Variants in TLE3 observed in about 807,000 individuals in gnomAD.
The protein encoded by TLE3 is transducin-like enhancer protein 3.
A neutral mutation model predicts 93.0 loss-of-function variants in TLE3; 14 were observed. The ratio of observed to expected loss-of-function variants is 0.15; its 90% confidence interval spans 0.10 to 0.24. TLE3 has a LOEUF of 0.24. Ranked by LOEUF, TLE3 falls within the 10% of genes least tolerant of loss-of-function variation. TLE3 has a pLI of 1.00. For synonymous variants in TLE3, 451 were observed against 425.0 expected (o/e 1.06, Z -0.75); for missense variants, 693 against 1,046.6 (o/e 0.66, Z 4.66).
chr15:70,052,995 G>C (rs192599983), intron 17 of TLE3: 82 of 523,042 alleles, frequency 1.6e-4, no homozygotes, highest in Non-Finnish European at 2.5e-4. Context: ...AATAGCAGCA[G>C]AGAATGAATC....
chr15:70,049,228 G>T lies in TLE3; in HGVS notation c.*869C>A, dbSNP rs1307404554. 6.6e-6 allele frequency: 1 copy of T among 152,394 alleles called. No homozygotes were observed. Among genetic ancestry groups the T allele is most frequent in the East Asian group, 1.9e-4 (1 of 5,192 alleles). The allele number at this position is 152,394 out of a possible 1,614,324, so 9.4% of individuals were successfully genotyped here. A position where few individuals can be genotyped will look rare whatever the true frequency, so the allele number is the denominator to read the frequency against. On this transcript the variant is annotated 3_prime_UTR_variant, in exon 20 of 20. Coordinates refer to ENST00000451782, the MANE Select transcript of TLE3 (RefSeq NM_001105192.3). ...GAGGAGAGAGGGAGAGACCAAGAAA[G>T]AGAGACACAGAGAGGGCAAGAGGCA...
chr15:70,059,627 G>A, intron 9 of TLE3, among the ~76,000 whole-genome samples, 167 bp from the exon 10 acceptor site: 1 of 152,124 alleles, frequency 6.6e-6, no homozygotes, highest in Non-Finnish European at 1.5e-5. Context: ...CTCCACTCCA[G>A]CTCAACACGG....
intron 4 of TLE3, among the ~76,000 whole-genome samples, chr15:70,080,167 G>T (rs2057695242): frequency 6.6e-6 from 1 of 152,094 alleles, no homozygotes; most frequent in African/African-American, 2.4e-5. Context: ...TGGCAACTTG[G>T]CGCAATCCGT....
chr15:70,052,574 CAAG>C, intron 17 of TLE3, 50 bp from the exon 18 acceptor site: 1 of 1,579,878 alleles, frequency 6.3e-7, no homozygotes, highest in Non-Finnish European at 8.6e-7. Flanking sequence ...TCTCTGCCCT[CAAG>C]AGGAGGGCGG....
At chr15:70,059,535 C>CT in intron 9 of TLE3, 75 bp from the exon 10 acceptor site, 2 of 1,462,648 alleles carry the variant, frequency 1.4e-6, no homozygotes, top group Non-Finnish European at 1.9e-6. Context: ...CCAAACCACC[C>CT]TGTCCTTCTA....
At chr15:70,065,035 G>C (rs1488819768) in intron 7 of TLE3, among the ~76,000 whole-genome samples, 2 of 152,088 alleles carry the variant, frequency 1.3e-5, no homozygotes, top group African/African-American at 4.8e-5. Flanking sequence ...CTAAGCACTA[G>C]CTCCCCAGTT....
intron 4 of TLE3, among the ~76,000 whole-genome samples, chr15:70,083,948 A>G (rs2141946335): frequency 6.6e-6 from 1 of 152,350 alleles, no homozygotes; most frequent in South Asian, 2.1e-4. Context: ...GTAAATTAAA[A>G]TAAAAAGGGT....
chr15:70,065,388 A>C (rs2056751036), intron 7 of TLE3, among the ~76,000 whole-genome samples: 1 of 152,170 alleles, frequency 6.6e-6, no homozygotes. Context: ...GTCAGAGAAC[A>C]AGTTCTGACT....
chr15:70,097,344 G>C lies in TLE3; in HGVS notation c.-546C>G, dbSNP rs1412223396. The C allele has an allele frequency of 2.5e-6, 1 of 403,978 alleles. No individual in the cohort carries two copies. Among genetic ancestry groups the C allele is most frequent in the Non-Finnish European group, 4.4e-6 (1 of 229,758 alleles). 25.0% of individuals were successfully genotyped at this position (403,978 alleles called of 1,614,324 possible). ...GAGGAAGGAGGCGGGCTACGAGGTG[G>C]TGGCTTGGGGCCGCAGGAGCGCCGG... On this transcript the variant is annotated 5_prime_UTR_variant, in exon 1 of 20. Transcript: ENST00000451782.
intron 4 of TLE3, 137 bp downstream of exon 4, chr15:70,094,395 G>A: frequency 5.8e-6 from 4 of 685,210 alleles, no homozygotes; most frequent in Non-Finnish European, 1.0e-5. Context: ...TTCAAGGACT[G>A]GATCCATTCA....
At chr15:70,078,092 G>A (rs143478942) in intron 4 of TLE3, among the ~76,000 whole-genome samples, 299 of 152,282 alleles carry the variant, frequency 2.0e-3, no homozygotes, top group Non-Finnish European at 3.4e-3. Context: ...CTAGACACCC[G>A]TCATTCATAC....
chr15:70,088,068 C>A lies in TLE3; in HGVS notation c.234+6464G>T, dbSNP rs1268375754. Reference sequence around the variant, plus strand: ...TAGCGGTCATGGCCTGACTCTCCAACACGGTGACCCCTCTCCTCCAGCCCT... The same window carrying A: ...TAGCGGTCATGGCCTGACTCTCCAAAACGGTGACCCCTCTCCTCCAGCCCT... On this transcript the variant is annotated intron_variant, in intron 4 of 19. Coordinates refer to ENST00000451782, the MANE Select transcript of TLE3 (RefSeq NM_001105192.3). Among the ~76,000 whole-genome samples, 6 of 152,214 alleles carry A rather than the reference C, an allele frequency of 3.9e-5. No homozygotes were observed. The East Asian group carries it at 9.6e-4, about 24-fold the overall frequency.
At chr15:70,069,636 G>A (rs994010231) in intron 6 of TLE3, among the ~76,000 whole-genome samples, 1 of 152,208 alleles carries the variant, frequency 6.6e-6, no homozygotes, top group Non-Finnish European at 1.5e-5. Context: ...AGCAAGGACC[G>A]GTCCAGCAGA....
intron 4 of TLE3, among the ~76,000 whole-genome samples, chr15:70,078,659 G>A (rs757074868): frequency 6.6e-6 from 1 of 152,220 alleles, no homozygotes; most frequent in African/African-American, 2.4e-5. Flanking sequence ...CATACACTTG[G>A]TGGCCAGTGG....
At chr15:70,070,027 A>G (rs1357961833) in intron 6 of TLE3, among the ~76,000 whole-genome samples, 1 of 152,238 alleles carries the variant, frequency 6.6e-6, no homozygotes, top group Non-Finnish European at 1.5e-5. Flanking sequence ...ACAATCAGAG[A>G]CCGCCTGTCT....
intron 7 of TLE3, among the ~76,000 whole-genome samples, chr15:70,065,614 C>T (rs1373260435): frequency 2.0e-5 from 3 of 152,180 alleles, no homozygotes; most frequent in Admixed American, 6.5e-5. Flanking sequence ...GGATGTAAGA[C>T]GACAGTAACA....
rs77797923 is a variant in TLE3, at chr15:70,074,039, C to T, written c.372+494G>A. Among the ~76,000 whole-genome samples the T allele has an allele frequency of 6.9e-4, 105 of 152,380 alleles. No homozygotes were observed. The East Asian group carries it at 0.015, about 22-fold the overall frequency. ...ATGAATGCTCAGCCAGGCAGCTTCG[C>T]GCATGGGACAGCAAGACGTAAACCC... On this transcript the variant is annotated intron_variant, in intron 6 of 19. Transcript: ENST00000451782.
At chr15:70,054,753 C>G in intron 15 of TLE3, 68 bp from the exon 16 acceptor site, 1 of 1,477,372 alleles carries the variant, frequency 6.8e-7, no homozygotes. Context: ...GAGTCCTGTC[C>G]AGCAACACCG....
intron 4 of TLE3, among the ~76,000 whole-genome samples, chr15:70,093,562 G>A (rs532509993): frequency 3.3e-5 from 5 of 152,176 alleles, no homozygotes; most frequent in Admixed American, 6.5e-5. Flanking sequence ...AAGAACAACC[G>A]GCCTGCCTGC....
Sources: allele counts gnomAD v4.1 joint callset (sites outside exome capture counted in the v4.1 genomes callset), GRCh38; gene constraint gnomAD v4.1.1; transcripts MANE v1.5; gene names NCBI Gene and HGNC (gene_info 2026-07-23, HGNC 2026-07-21).